MUSK: variants seen among roughly 807,000 people sequenced by gnomAD.
The protein encoded by MUSK is muscle, skeletal receptor tyrosine-protein kinase.
In MUSK, 55 loss-of-function variants were observed where a neutral mutation model predicts 88.7. That is an observed-to-expected ratio of 0.62 (90% CI 0.50 to 0.78). The LOEUF is 0.78. Among genes scored for constraint, MUSK ranks in the 30% least tolerant of loss-of-function variants. The pLI, the probability that MUSK is intolerant of heterozygous loss-of-function variation, is 0.00. For missense variants in MUSK, 1,015 were observed against 1,074.3 expected (o/e 0.94, Z 0.77); for synonymous variants, 387 against 391.9 (o/e 0.99, Z 0.15).
chr9:110,783,965 T>C (rs532027984), intron 11 of MUSK, among the ~76,000 whole-genome samples: 4 of 152,254 alleles, frequency 2.6e-5, no homozygotes, highest in African/African-American at 7.2e-5. Context: ...CATTGGATTT[T>C]ATTTAATCTA....
chr9:110,751,183 A>G lies in MUSK; in HGVS notation c.913+3383A>G, dbSNP rs111957545. Reference sequence around the variant, plus strand: ...GACTACAGGGCATGATTGCCACCATACTATATGCAGCAACATCATGACTTC... The same window carrying G: ...GACTACAGGGCATGATTGCCACCATGCTATATGCAGCAACATCATGACTTC... On this transcript the variant is annotated intron_variant, in intron 7 of 14. Transcript: ENST00000374448. 2.7e-3 allele frequency among the ~76,000 whole-genome samples: 410 copies of G among 152,312 alleles called. 3 individuals carry two copies. Among genetic ancestry groups the G allele is most frequent in the African/African-American group, 9.5e-3 (395 of 41,570 alleles).
chr9:110,767,707 C>T, intron 8 of MUSK, 113 bp from the exon 9 acceptor site: 1 of 1,199,086 alleles, frequency 8.3e-7, no homozygotes, highest in South Asian at 1.3e-5. Flanking sequence ...TTTACTAGTA[C>T]AATTTTCTCC....
chr9:110,681,050 T>TAATATAATATTA (rs1335114069), intron 1 of MUSK, among the ~76,000 whole-genome samples: 5 of 21,682 alleles, frequency 2.3e-4, no homozygotes, highest in African/African-American at 1.2e-3. Context: ...ATAATATATA[T>TAATATAATATTA]TATATATTAT....
At chr9:110,797,117 A>C (rs2078007666) in intron 14 of MUSK, among the ~76,000 whole-genome samples, 1 of 43,222 alleles carries the variant, frequency 2.3e-5, no homozygotes, top group Non-Finnish European at 4.7e-5. Context: ...AGAGTATAAC[A>C]AAAAAATAAA....
Position 110,800,786 on chromosome 9 carries a change from A to C in MUSK, c.2408A>C (p.Tyr803Ser). 1 of 1,613,996 alleles carries C rather than the reference A, an allele frequency of 6.2e-7. No individual in the cohort carries two copies. The highest frequency in any genetic ancestry group is 8.5e-7 in the Non-Finnish European group (1 of 1,179,880). The change falls in exon 15 of 15, where the codon TAC becomes TCC. Residue 803 changes from tyrosine to serine, a missense_variant. Transcript: ENST00000374448. Reference sequence around the variant, plus strand: ...ATCTTCTCCTATGGCCTGCAGCCCTACTATGGGATGGCCCATGAGGAGGTC... The same window carrying C: ...ATCTTCTCCTATGGCCTGCAGCCCTCCTATGGGATGGCCCATGAGGAGGTC... ...WEIFSYGLQP[Y>S]YGMAHEEVIY...
intron 11 of MUSK, among the ~76,000 whole-genome samples, chr9:110,778,662 C>T (rs1300207968): frequency 6.6e-6 from 1 of 151,944 alleles, no homozygotes; most frequent in Non-Finnish European, 1.5e-5. Flanking sequence ...CAATTTTACC[C>T]ATCTAGTAAG....
rs1554758022 is a variant in MUSK at position 110,805,839 on chromosome 9, T to TGAA, written c.*4851_*4852insGAA. Among the ~76,000 whole-genome samples, 1 of 151,660 alleles carries TGAA rather than the reference T, an allele frequency of 6.6e-6. No homozygotes were observed. The highest frequency in any genetic ancestry group is 1.5e-5 in the Non-Finnish European group (1 of 67,792). ...TAATTTACATATATTTGCATCAATA[T>TGAA]TAAGTTCATAAAATTAAAAGTTTAT... On this transcript the variant is annotated 3_prime_UTR_variant, in exon 15 of 15. Transcript: ENST00000374448.
At position 110,695,392 on chromosome 9, in the gene MUSK, T is replaced by C; in HGVS notation, c.359-11T>C. ...TTGCCTTATTTATTTTGAATTTTCA[T>C]TTCTTTTTAGAACCTAAAATAACTC... On this transcript the variant is annotated splice_polypyrimidine_tract_variant and intron_variant, in intron 3 of 14. Coordinates refer to ENST00000374448, the MANE Select transcript of MUSK (RefSeq NM_005592.4). The C allele has an allele frequency of 6.8e-7, 1 of 1,464,288 alleles. No individual in the cohort carries two copies. Among genetic ancestry groups the C allele is most frequent in the African/African-American group, 1.4e-5 (1 of 70,318 alleles). The allele number at this position is 1,464,288 out of a possible 1,614,324, so 90.7% of individuals were successfully genotyped here.
chr9:110,690,081 T>TAAATATATATTATATAAGTATAAATATAG (rs1564219002), intron 3 of MUSK, among the ~76,000 whole-genome samples: 37 of 93,642 alleles, frequency 4.0e-4, no homozygotes, highest in Admixed American at 5.2e-4. Context: ...TATAAATATA[T>TAAATATATATTATATAAGTATAAATATAG]AAATATATAT....
chr9:110,754,003 C>T (rs947666760), intron 7 of MUSK, among the ~76,000 whole-genome samples: 4 of 152,194 alleles, frequency 2.6e-5, no homozygotes, highest in African/African-American at 9.6e-5. Flanking sequence ...GACTTGGTAA[C>T]AGAGCAGTAG....
At chr9:110,773,067 G>A (rs535426805) in intron 9 of MUSK, among the ~76,000 whole-genome samples, 1 of 152,120 alleles carries the variant, frequency 6.6e-6, no homozygotes, top group Non-Finnish European at 1.5e-5. Flanking sequence ...AATGATGTGT[G>A]CCTCTTTTCA....
At chr9:110,785,166 T>C (rs1331145959) in intron 12 of MUSK, 150 bp downstream of exon 12, 3 of 732,282 alleles carry the variant, frequency 4.1e-6, no homozygotes, top group Non-Finnish European at 4.4e-6. Flanking sequence ...CCCATCATGA[T>C]CTTTACAAAT....
chr9:110,690,793 T>G (rs192257621), intron 3 of MUSK, among the ~76,000 whole-genome samples: 2,047 of 91,916 alleles, frequency 0.022, 47 homozygotes, highest in Non-Finnish European at 0.033. Flanking sequence ...AGTATATATA[T>G]AAATATATAT....
chr9:110,723,256 CACACACAT>C (rs1305862022), intron 5 of MUSK, among the ~76,000 whole-genome samples: 1 of 151,608 alleles, frequency 6.6e-6, no homozygotes, highest in African/African-American at 2.4e-5. Context: ...CACACACACA[CACACACAT>C]ACATACCATG....
chr9:110,689,469 A>G (rs1427158554), intron 3 of MUSK, among the ~76,000 whole-genome samples: 1 of 110,874 alleles, frequency 9.0e-6, no homozygotes, highest in African/African-American at 4.1e-5. Flanking sequence ...ATTTATATAT[A>G]TGTAAAAAAT....
chr9:110,799,658 G>C (rs541174489), intron 14 of MUSK, among the ~76,000 whole-genome samples: 1 of 152,180 alleles, frequency 6.6e-6, no homozygotes, highest in African/African-American at 2.4e-5. Flanking sequence ...TGCCAGACAC[G>C]TGGTAGGTGT....
At chr9:110,672,639 AC>A (rs771975423) in intron 1 of MUSK, among the ~76,000 whole-genome samples, 1 of 152,294 alleles carries the variant, frequency 6.6e-6, no homozygotes, top group South Asian at 2.1e-4. Context: ...GTTTAAACCA[AC>A]CCCAAAGTGT....
intron 5 of MUSK, among the ~76,000 whole-genome samples, chr9:110,705,244 A>G (rs1194684294): frequency 1.3e-5 from 2 of 152,148 alleles, no homozygotes; most frequent in Non-Finnish European, 2.9e-5. Flanking sequence ...AAACTCAGGG[A>G]TGGGAAAAGT....
chr9:110,741,116 G>A (rs1188975313), intron 6 of MUSK, among the ~76,000 whole-genome samples: 1 of 152,122 alleles, frequency 6.6e-6, no homozygotes, highest in African/African-American at 2.4e-5. Context: ...AATTTGCTAA[G>A]AGGGTAGATC....
Sources: allele counts gnomAD v4.1 joint callset (sites outside exome capture counted in the v4.1 genomes callset), GRCh38; gene constraint gnomAD v4.1.1; transcripts MANE v1.5; gene names NCBI Gene and HGNC (gene_info 2026-07-23, HGNC 2026-07-21).